The following ADGRE2 variants were observed in gnomAD, a reference collection of about 807,000 sequenced individuals.
ADGRE2 encodes adhesion G protein-coupled receptor E2.
ADGRE2 carries 83 observed loss-of-function variants against 100.8 expected under a neutral mutation model. The observed-to-expected ratio is 0.82, with a 90% confidence interval of 0.69 to 0.99. The LOEUF (loss-of-function observed/expected upper bound fraction) is 0.99. Among genes scored for constraint, ADGRE2 ranks in the 50% least tolerant of loss-of-function variants. The pLI is 0.00. For missense variants in ADGRE2, 814 were observed against 1,035.7 expected (o/e 0.79, Z 2.94); for synonymous variants, 355 against 413.0 (o/e 0.86, Z 1.70).
intron 14 of ADGRE2, among the ~76,000 whole-genome samples, chr19:14,753,233 C>G (rs1354257312): frequency 6.6e-6 from 1 of 151,868 alleles, no homozygotes; most frequent in Non-Finnish European, 1.5e-5. Context: ...TAAAGAAAGA[C>G]AGAGAGTTGG....
chr19:14,755,846 T>C lies in ADGRE2; in HGVS notation c.1224A>G (p.Pro408=), dbSNP rs758409464. 6.2e-7 allele frequency: 1 copy of C among 1,614,052 alleles called. No homozygotes were observed. The highest frequency in any genetic ancestry group is 8.5e-7 in the Non-Finnish European group (1 of 1,180,018). ...GPSVVGLVSI[P]GMGKLLAEAP... ...CCTCAGCCAGCAACTTGCCCATCCC[T>C]GGAATGGAGACAAGGCCCACCACAG... The change falls in exon 13 of 21, where the codon CCA becomes CCG. Residue 408 remains proline (P), a synonymous_variant. Transcript: ENST00000315576.
chr19:14,765,930 G>A (rs2147429204), intron 7 of ADGRE2, 126 bp from the exon 8 acceptor site: 1 of 1,497,500 alleles, frequency 6.7e-7, no homozygotes, highest in Non-Finnish European at 9.2e-7. Context: ...GCTGGGTTAT[G>A]GAAGCGTGGA....
chr19:14,732,156 G>T (rs2042676840), downstream of ADGRE2: 1 of 152,072 alleles, frequency 6.6e-6, no homozygotes. Flanking sequence ...TCATTTCATT[G>T]CCCTTCACAG....
chr19:14,773,896 A>G, intron 4 of ADGRE2, 42 bp downstream of exon 4: 1 of 1,577,574 alleles, frequency 6.3e-7, no homozygotes, highest in East Asian at 2.2e-5. Flanking sequence ...GCTATGCCTC[A>G]TAATCGCAGA....
Position 14,751,667 on chromosome 19 carries a change from A to G in ADGRE2, c.1793T>C (p.Leu598Pro), listed in dbSNP as rs763027863. ...CAAGGTACCGGCGATGATGGAGCAC[A>G]GCACCTGGCGGAGAAGTAAAAGACG... is the stretch of plus-strand genomic sequence containing the variant. ...VAIDQTGHKV[L>P]CSIIAGTLHY... The change falls in exon 16 of 21, where the codon CTG becomes CCG. Residue 598 changes from leucine (L) to proline (P), a missense_variant. This residue lies in a region of ADGRE2 where 569 missense variants were observed against 692.7 expected (regional missense o/e 0.82). Coordinates refer to ENST00000315576, the MANE Select transcript of ADGRE2 (RefSeq NM_013447.4). 3 of 1,612,932 alleles carry G rather than the reference A, an allele frequency of 1.9e-6. No individual in the cohort carries two copies. Among genetic ancestry groups the G allele is most frequent in the Non-Finnish European group, 2.5e-6 (3 of 1,179,152 alleles).
chr19:14,731,351 A>G (rs1452125150), downstream of ADGRE2: 9 of 671,356 alleles, frequency 1.3e-5, no homozygotes, highest in Non-Finnish European at 2.0e-5. Context: ...GTTCCGTGAC[A>G]TCCGGGCTCC....
intron 20 of ADGRE2, among the ~76,000 whole-genome samples, chr19:14,742,954 T>C (rs1161440775): frequency 6.6e-6 from 1 of 150,992 alleles, no homozygotes; most frequent in East Asian, 1.9e-4. Context: ...ATTTTTGGGA[T>C]AGGGTCTCAC....
chr19:14,728,565 G>A (rs1029551891), downstream of ADGRE2, among the ~76,000 whole-genome samples: 6 of 152,180 alleles, frequency 3.9e-5, no homozygotes, highest in Admixed American at 1.3e-4. Flanking sequence ...AGAAAGATGA[G>A]CAGGTGAAGC....
At chr19:14,727,693 G>A (rs1040803678), downstream of ADGRE2, among the ~76,000 whole-genome samples, 2 of 151,606 alleles carry the variant, frequency 1.3e-5, no homozygotes, top group Non-Finnish European at 2.9e-5. Context: ...ACTATATCAT[G>A]TACCTATTAG....
rs1555787816 is a variant in ADGRE2, at chr19:14,765,406, A to G, written c.829-9T>C. 8.1e-6 allele frequency: 13 copies of G among 1,614,146 alleles called. No individual in the cohort carries two copies. The South Asian group carries it at 1.4e-4, about 18-fold the overall frequency. On this transcript the variant is annotated splice_polypyrimidine_tract_variant and intron_variant, in intron 9 of 20. Coordinates refer to ENST00000315576, the MANE Select transcript of ADGRE2 (RefSeq NM_013447.4). ...AAGAATCGGGAAAGCGTCTGCAGAG[A>G]GAGGAGATGTGGGGGTCAGAGAGCC...
At chr19:14,777,046 C>A in intron 1 of ADGRE2, 119 bp from the exon 2 acceptor site, 2 of 1,254,652 alleles carry the variant, frequency 1.6e-6, no homozygotes, top group Non-Finnish European at 2.0e-6. Flanking sequence ...TGAAGTGCAA[C>A]CTGCTTTAAA....
chr19:14,736,143 C>T lies in ADGRE2; in HGVS notation c.*93G>A. The T allele has an allele frequency of 8.3e-7, 1 of 1,204,282 alleles. No homozygotes were observed. 74.6% of individuals were successfully genotyped at this position (1,204,282 alleles called of 1,614,324 possible). Reference sequence around the variant, plus strand: ...GACATGGTGAATTTCTTGAAACACACAGAACAAAGTCTTTTCTTTCCCCTC... The same window carrying T: ...GACATGGTGAATTTCTTGAAACACATAGAACAAAGTCTTTTCTTTCCCCTC... On this transcript the variant is annotated 3_prime_UTR_variant, in exon 21 of 21. Transcript: ENST00000315576.
At chr19:14,764,711 A>G in intron 10 of ADGRE2, 101 bp from the exon 11 acceptor site, 1 of 1,257,262 alleles carries the variant, frequency 8.0e-7, no homozygotes, top group East Asian at 2.4e-5. Context: ...GAGACTGTCT[A>G]TCTGGGGGAT....
intron 11 of ADGRE2, among the ~76,000 whole-genome samples, chr19:14,761,761 G>A (rs1353618330): frequency 6.6e-6 from 1 of 152,032 alleles, no homozygotes; most frequent in Non-Finnish European, 1.5e-5. Context: ...GACTCCATTT[G>A]CATAATAAGA....
chr19:14,773,140 A>C (rs1347980665), intron 4 of ADGRE2, among the ~76,000 whole-genome samples: 4 of 150,204 alleles, frequency 2.7e-5, no homozygotes, highest in Non-Finnish European at 4.4e-5. Flanking sequence ...AGAAAAAAAA[A>C]CCTATGGCCA....
At position 14,755,643 on chromosome 19, in the gene ADGRE2, C is replaced by T. The variant is rs756130083; in HGVS notation, c.1416+11G>A. The T allele has an allele frequency of 2.5e-6, 4 of 1,612,874 alleles. No homozygotes were observed. In the South Asian group the frequency reaches 3.3e-5, roughly 13 times the overall value. ...ACTATTCACCCACCAACCAACTCCA[C>T]CAGCACTCACACGGTGGGAGAAGGT... On this transcript the variant is annotated intron_variant, in intron 13 of 20. Coordinates refer to ENST00000315576, the MANE Select transcript of ADGRE2 (RefSeq NM_013447.4).
rs533387725 is a variant in ADGRE2 at position 14,754,058 on chromosome 19, G to A, written c.1590+896C>T. Among the ~76,000 whole-genome samples the A allele has an allele frequency of 1.6e-4, 24 of 152,010 alleles. No individual in the cohort carries two copies. In the South Asian group the frequency reaches 3.7e-3, roughly 24 times the overall value. On this transcript the variant is annotated intron_variant, in intron 14 of 20. Coordinates refer to ENST00000315576, the MANE Select transcript of ADGRE2 (RefSeq NM_013447.4). ...GGGCACTGTCTAATCAGCTGCCAGC[G>A]TGGCTAGAATATAAGCAGGCAGAAA...
intron 14 of ADGRE2, among the ~76,000 whole-genome samples, chr19:14,753,868 T>G (rs1157583572): frequency 6.6e-6 from 1 of 151,924 alleles, no homozygotes; most frequent in Non-Finnish European, 1.5e-5. Flanking sequence ...GGGCTCTTCC[T>G]GGAGAATCAG....
At chr19:14,753,506 C>T (rs1252647336) in intron 14 of ADGRE2, among the ~76,000 whole-genome samples, 6 of 151,842 alleles carry the variant, frequency 4.0e-5, no homozygotes, top group Non-Finnish European at 1.5e-5. Context: ...ATAAGAAAGT[C>T]AGGTGGGCGA....
Sources: allele counts gnomAD v4.1 joint callset (sites outside exome capture counted in the v4.1 genomes callset), GRCh38; gene constraint gnomAD v4.1.1; regional missense constraint gnomAD v4.1.1; transcripts MANE v1.5; gene names NCBI Gene and HGNC (gene_info 2026-07-23, HGNC 2026-07-21).